The following FIG4 variants were observed in gnomAD, a reference collection of about 807,000 sequenced individuals.
FIG4 encodes the protein FIG4 phosphoinositide 5-phosphatase, also known as polyphosphoinositide phosphatase.
FIG4 carries 112 observed loss-of-function variants against 118.6 expected under a neutral mutation model. That is an observed-to-expected ratio of 0.94 (90% CI 0.81 to 1.11). FIG4 has a LOEUF of 1.11. FIG4 is among the 50% of genes least tolerant of loss of function. The pLI is 0.00. For synonymous variants in FIG4, 369 were observed against 381.2 expected (o/e 0.97, Z 0.37); for missense variants, 969 against 1,111.7 (o/e 0.87, Z 1.83).
In FIG4 at chr6:109,737,211, A is replaced by G. The variant is rs57352724; in HGVS notation, c.647-1114A>G. ...TCTTATCGCACAGGGGTAAACTGATAAGAAATGGAGTGAGGGTAGAAGGTA... is the reference window on the plus strand; with the variant it reads ...TCTTATCGCACAGGGGTAAACTGATGAGAAATGGAGTGAGGGTAGAAGGTA... On this transcript the variant is annotated intron_variant, in intron 6 of 22. Coordinates refer to ENST00000230124, the MANE Select transcript of FIG4 (RefSeq NM_014845.6). Among the ~76,000 whole-genome samples the G allele has an allele frequency of 1.2e-3, 190 of 152,282 alleles. 1 individual carries two copies. The highest frequency in any genetic ancestry group is 4.3e-3 in the African/African-American group (178 of 41,568).
chr6:109,771,328 C>T (rs1777452374), intron 15 of FIG4, among the ~76,000 whole-genome samples: 1 of 152,172 alleles, frequency 6.6e-6, no homozygotes, highest in Admixed American at 6.5e-5. Context: ...TAAGTTCATT[C>T]TTCCCCTCTC....
In FIG4 at chr6:109,732,626, T is replaced by G; in HGVS notation, c.447-11T>G. 1 of 1,332,404 alleles carries G rather than the reference T, an allele frequency of 7.5e-7. No homozygotes were observed. The highest frequency in any genetic ancestry group is 1.1e-6 in the Non-Finnish European group (1 of 934,516). 82.5% of individuals were successfully genotyped at this position (1,332,404 alleles called of 1,614,324 possible). On this transcript the variant is annotated splice_polypyrimidine_tract_variant and intron_variant, in intron 4 of 22. Coordinates refer to ENST00000230124, the MANE Select transcript of FIG4 (RefSeq NM_014845.6). ...GGACAAATGAAATGTACTTTGTTTT[T>G]TTTTTTTTAGGTATCTACGAATATT...
intron 1 of FIG4, among the ~76,000 whole-genome samples, chr6:109,701,958 A>AATGG (rs1426327860): frequency 1.3e-5 from 2 of 152,222 alleles, no homozygotes; most frequent in Non-Finnish European, 2.9e-5. Context: ...CTGAAGGTCA[A>AATGG]ATGGATAGAC....
At chr6:109,806,358 T>C (rs966235022) in intron 22 of FIG4, among the ~76,000 whole-genome samples, 1 of 152,234 alleles carries the variant, frequency 6.6e-6, no homozygotes, top group African/African-American at 2.4e-5. Flanking sequence ...CACATACTTA[T>C]TTATTCCCAA....
intron 1 of FIG4, among the ~76,000 whole-genome samples, chr6:109,708,157 A>G (rs1469090292): frequency 6.6e-6 from 1 of 151,854 alleles, no homozygotes; most frequent in African/African-American, 2.4e-5. Flanking sequence ...CACCCTCCAA[A>G]AGACCCCAGT....
intron 22 of FIG4, among the ~76,000 whole-genome samples, chr6:109,811,837 G>A (rs1778729281): frequency 6.6e-6 from 1 of 152,196 alleles, no homozygotes; most frequent in South Asian, 2.1e-4. Flanking sequence ...GTGAAAAAGA[G>A]CAGTCTACAT....
At chr6:109,762,598 A>G (rs906839608) in intron 12 of FIG4, among the ~76,000 whole-genome samples, 7 of 150,418 alleles carry the variant, frequency 4.7e-5, no homozygotes, top group African/African-American at 1.7e-4. Context: ...TTTTATTACT[A>G]TTTTGGGAGC....
At chr6:109,703,642 G>A (rs1221495027) in intron 1 of FIG4, among the ~76,000 whole-genome samples, 2 of 152,158 alleles carry the variant, frequency 1.3e-5, no homozygotes, top group African/African-American at 4.8e-5. Context: ...TCTTTATCCA[G>A]GATTCTACCT....
At chr6:109,759,362 C>G (rs1583694082) in intron 10 of FIG4, among the ~76,000 whole-genome samples, 1 of 151,986 alleles carries the variant, frequency 6.6e-6, no homozygotes, top group East Asian at 1.9e-4. Context: ...CATGTGTATA[C>G]CTATGTAACA....
intron 22 of FIG4, among the ~76,000 whole-genome samples, chr6:109,821,255 T>C (rs1342600662): frequency 6.6e-6 from 1 of 152,216 alleles, no homozygotes; most frequent in Non-Finnish European, 1.5e-5. Flanking sequence ...GAGAGCAAGC[T>C]GTGGCAGTTT....
chr6:109,819,273 C>G (rs1778941766), intron 22 of FIG4, among the ~76,000 whole-genome samples: 2 of 152,182 alleles, frequency 1.3e-5, no homozygotes, highest in African/African-American at 4.8e-5. Flanking sequence ...CCTCATCCCA[C>G]TAGGCAACAA....
chr6:109,795,107 T>G (rs202239696), intron 21 of FIG4, among the ~76,000 whole-genome samples: 568 of 24,202 alleles, frequency 0.023, 1 homozygote, highest in East Asian at 0.11. Context: ...TTTTTTTTTT[T>G]TTTTTTTTTT....
intron 1 of FIG4, among the ~76,000 whole-genome samples, chr6:109,707,415 A>G (rs1004255265): frequency 3.4e-5 from 5 of 148,394 alleles, no homozygotes; most frequent in African/African-American, 1.2e-4. Flanking sequence ...ATACATATAT[A>G]CCTATACATA....
chr6:109,760,488 C>G lies in FIG4; in HGVS notation c.1271+105C>G, dbSNP rs918170878. On this transcript the variant is annotated intron_variant, in intron 11 of 22. Coordinates refer to ENST00000230124, the MANE Select transcript of FIG4 (RefSeq NM_014845.6). Reference sequence around the variant, plus strand: ...AAAGTAAATGTTACCCTGTTAATTTCCTTCATGAACCTGTTGAGGGGCTGT... The same window carrying G: ...AAAGTAAATGTTACCCTGTTAATTTGCTTCATGAACCTGTTGAGGGGCTGT... The G allele has an allele frequency of 3.8e-6, 4 of 1,054,982 alleles. No homozygotes were observed. The African/African-American group carries it at 4.7e-5, about 12-fold the overall frequency. 65.4% of individuals were successfully genotyped at this position (1,054,982 alleles called of 1,614,324 possible).
chr6:109,816,001 G>A (rs1311792986), intron 22 of FIG4, among the ~76,000 whole-genome samples: 1 of 151,980 alleles, frequency 6.6e-6, no homozygotes, highest in Non-Finnish European at 1.5e-5. Context: ...AAGATAATTA[G>A]CATTATTATT....
chr6:109,717,860 T>G (rs1775481931), intron 3 of FIG4, among the ~76,000 whole-genome samples: 1 of 152,248 alleles, frequency 6.6e-6, no homozygotes, highest in Admixed American at 6.5e-5. Flanking sequence ...CACCTTATTT[T>G]GAGTCTTTTT....
intron 1 of FIG4, among the ~76,000 whole-genome samples, chr6:109,707,130 AG>A (rs1208970353): frequency 6.6e-6 from 1 of 152,020 alleles, no homozygotes; most frequent in Non-Finnish European, 1.5e-5. Context: ...AGTGTCATCT[AG>A]ACTGTACCTC....
At chr6:109,707,394 TATAC>T (rs1414596465) in intron 1 of FIG4, among the ~76,000 whole-genome samples, 2 of 148,340 alleles carry the variant, frequency 1.3e-5, no homozygotes, top group Non-Finnish European at 3.0e-5. Context: ...TACACATATG[TATAC>T]ATACATATAC....
chr6:109,771,006 C>A (rs375457272), intron 15 of FIG4, among the ~76,000 whole-genome samples: 2 of 152,110 alleles, frequency 1.3e-5, no homozygotes, highest in Non-Finnish European at 2.9e-5. Flanking sequence ...AGAGGGACAT[C>A]AAAGGGAACA....
Sources: allele counts gnomAD v4.1 joint callset (sites outside exome capture counted in the v4.1 genomes callset), GRCh38; gene constraint gnomAD v4.1.1; transcripts MANE v1.5; gene names NCBI Gene and HGNC (gene_info 2026-07-23, HGNC 2026-07-21).